Variants in FYN observed in about 807,000 individuals in gnomAD.
FYN encodes the protein FYN proto-oncogene, Src family tyrosine kinase, also known as tyrosine-protein kinase Fyn.
In FYN, 10 loss-of-function variants were observed where a neutral mutation model predicts 70.2. The observed-to-expected ratio is 0.14, with a 90% CI of 0.09 to 0.24. The LOEUF (loss-of-function observed/expected upper bound fraction) is 0.24, where lower values mean the gene tolerates loss of function less well. FYN is among the 10% of genes least tolerant of loss of function. FYN has a pLI of 1.00. For missense variants in FYN, 319 were observed against 673.1 expected, an observed-to-expected ratio of 0.47 and a Z score of 5.82; for synonymous variants, 236 against 248.6, an observed-to-expected ratio of 0.95 and a Z score of 0.48.
chr6:111,699,938 T>A (rs974941256), intron 9 of FYN, 166 bp downstream of exon 9: 1 of 435,962 alleles, frequency 2.3e-6, no homozygotes, highest in Non-Finnish European at 3.6e-6. Context: ...TTTTTTTTTT[T>A]AGGAATTCCA....
At chr6:111,810,746 C>G (rs1029478728) in intron 2 of FYN, among the ~76,000 whole-genome samples, 3 of 152,298 alleles carry the variant, frequency 2.0e-5, no homozygotes, top group East Asian at 1.9e-4. Context: ...GAAAACCCAC[C>G]CTGTGGGTGG....
intron 1 of FYN, among the ~76,000 whole-genome samples, chr6:111,867,458 G>GAA (rs373634134): frequency 0.11 from 7,733 of 70,112 alleles, 924 homozygotes; most frequent in African/African-American, 0.3. Flanking sequence ...TCCGTCTCGG[G>GAA]AAAAAAAAAA....
intron 2 of FYN, among the ~76,000 whole-genome samples, chr6:111,796,029 T>C (rs1212580449): frequency 6.6e-6 from 1 of 152,252 alleles, no homozygotes; most frequent in East Asian, 1.9e-4. Context: ...TTTATCCTTA[T>C]TAATAACCCA....
chr6:111,764,079 T>C (rs967780981), intron 3 of FYN, among the ~76,000 whole-genome samples: 7 of 152,062 alleles, frequency 4.6e-5, no homozygotes, highest in African/African-American at 1.4e-4. Flanking sequence ...AGAATGTTGA[T>C]GATCACTGTT....
chr6:111,777,146 T>C (rs1770979972), intron 3 of FYN, among the ~76,000 whole-genome samples: 1 of 152,220 alleles, frequency 6.6e-6, no homozygotes, highest in Admixed American at 6.5e-5. Context: ...TCATGTTGTG[T>C]GAGTCTTGTT....
chr6:111,737,743 T>A (rs781184394), intron 3 of FYN, among the ~76,000 whole-genome samples: 2 of 152,134 alleles, frequency 1.3e-5, no homozygotes, highest in Non-Finnish European at 2.9e-5. Flanking sequence ...GAGATAAGGC[T>A]CAAAGTCCCA....
At position 111,660,870 on chromosome 6, in the gene FYN, C is replaced by G. The variant is rs1797707991; in HGVS notation, c.*869G>C. On this transcript the variant is annotated 3_prime_UTR_variant, in exon 14 of 14. Transcript: ENST00000354650. ...TTTGTGTGGTATCCATCTTCCAGTT[C>G]TCTTGGTAGTATCAGCCATTTGCTT... 6.6e-6 allele frequency: 1 copy of G among 152,174 alleles called. No homozygotes were observed. Among genetic ancestry groups the G allele is most frequent in the Admixed American group, 6.5e-5 (1 of 15,276 alleles). The allele number at this position is 152,174 out of a possible 1,614,324, so 9.4% of individuals were successfully genotyped here.
chr6:111,731,749 A>G (rs1239726434), intron 3 of FYN, among the ~76,000 whole-genome samples: 1 of 152,106 alleles, frequency 6.6e-6, no homozygotes, highest in Non-Finnish European at 1.5e-5. Context: ...GAACAAAAGG[A>G]GCAGAGAGGC....
At chr6:111,758,433 T>C (rs1012012937) in intron 3 of FYN, among the ~76,000 whole-genome samples, 1 of 152,192 alleles carries the variant, frequency 6.6e-6, no homozygotes, top group African/African-American at 2.4e-5. Flanking sequence ...TACTTTACAC[T>C]AGGGGTGTAT....
chr6:111,835,165 T>C lies in FYN; in HGVS notation c.-82+11424A>G, dbSNP rs570792981. On this transcript the variant is annotated intron_variant, in intron 2 of 13. Coordinates refer to ENST00000354650, the MANE Select transcript of FYN (RefSeq NM_002037.5). ...CAAAGGCAAGTGAATTCAGCTGTTT[T>C]TTCATTTCAATTTTTCTCAACTATT... 5.4e-4 allele frequency among the ~76,000 whole-genome samples: 82 copies of C among 152,342 alleles called. 1 individual carries two copies. In the South Asian group the frequency reaches 0.017, roughly 31 times the overall value.
chr6:111,671,569 T>C (rs1049493152), intron 13 of FYN, among the ~76,000 whole-genome samples: 3 of 152,128 alleles, frequency 2.0e-5, no homozygotes, highest in African/African-American at 7.2e-5. Flanking sequence ...AAATATACTC[T>C]AGCCAACTGA....
rs544426571 is a variant in FYN, at chr6:111,686,831, G to A, written c.1273+7544C>T. On this transcript the variant is annotated intron_variant, in intron 12 of 13. Coordinates refer to ENST00000354650, the MANE Select transcript of FYN (RefSeq NM_002037.5). Reference sequence around the variant, plus strand: ...ACCGGATTACAGGGGCCTCAGAAGCGGCTGATTAATAATTCTGCAGGAGCC... The same window carrying A: ...ACCGGATTACAGGGGCCTCAGAAGCAGCTGATTAATAATTCTGCAGGAGCC... 2.0e-3 allele frequency among the ~76,000 whole-genome samples: 306 copies of A among 152,290 alleles called. 1 individual carries two copies. Among genetic ancestry groups the A allele is most frequent in the African/African-American group, 7.0e-3 (289 of 41,566 alleles).
At chr6:111,757,518 C>T (rs190608704) in intron 3 of FYN, among the ~76,000 whole-genome samples, 105 of 152,278 alleles carry the variant, frequency 6.9e-4, no homozygotes, top group African/African-American at 2.5e-3. Context: ...GAAGTCCAGG[C>T]CTCTGCAAAT....
At chr6:111,855,447 GCATTCAAA>G (rs1381296438) in intron 1 of FYN, among the ~76,000 whole-genome samples, 2 of 152,144 alleles carry the variant, frequency 1.3e-5, no homozygotes, top group African/African-American at 4.8e-5. Context: ...ATTCATAACT[GCATTCAAA>G]CAAGTGGCTA....
At chr6:111,718,962 T>A (rs1800800723) in intron 4 of FYN, among the ~76,000 whole-genome samples, 1 of 152,188 alleles carries the variant, frequency 6.6e-6, no homozygotes, top group South Asian at 2.1e-4. Flanking sequence ...TAGTGCCTCC[T>A]CCCTAGGTGA....
intron 13 of FYN, among the ~76,000 whole-genome samples, chr6:111,668,682 A>G (rs1261324160): frequency 6.6e-6 from 1 of 152,048 alleles, no homozygotes; most frequent in African/African-American, 2.4e-5. Flanking sequence ...CTCTCACTAG[A>G]CATGCTGGCC....
At chr6:111,691,186 A>G (rs991607224) in intron 12 of FYN, among the ~76,000 whole-genome samples, 10 of 152,308 alleles carry the variant, frequency 6.6e-5, no homozygotes, top group African/African-American at 1.9e-4. Context: ...GCTGCTGCTC[A>G]GTCCTGGGTA....
At chr6:111,702,134 T>C (rs1799869457) in intron 8 of FYN, among the ~76,000 whole-genome samples, 1 of 152,200 alleles carries the variant, frequency 6.6e-6, no homozygotes, top group African/African-American at 2.4e-5. Context: ...CCTATATCTA[T>C]AGGCACATGT....
At chr6:111,726,113 C>T (rs1801183199) in intron 3 of FYN, among the ~76,000 whole-genome samples, 1 of 152,200 alleles carries the variant, frequency 6.6e-6, no homozygotes, top group Non-Finnish European at 1.5e-5. Context: ...AAATGGATTC[C>T]TCCCTAGTCA....
Sources: gnomAD v4.1 joint callset for allele counts (sites outside exome capture counted in the v4.1 genomes callset) on GRCh38, gnomAD v4.1.1 for gene constraint, MANE v1.5 for transcripts, NCBI Gene and HGNC (gene_info 2026-07-23, HGNC 2026-07-21) for gene names.